Variants in DHX37 observed in about 807,000 individuals in gnomAD.
The protein encoded by DHX37 is probable ATP-dependent RNA helicase DHX37.
In DHX37, 52 loss-of-function variants were observed where a neutral mutation model predicts 134.3. The ratio of observed to expected loss-of-function variants is 0.39; its 90% CI spans 0.31 to 0.49. The LOEUF (loss-of-function observed/expected upper bound fraction) is 0.49, where lower values mean the gene tolerates loss of function less well. Ranked by LOEUF, DHX37 falls within the 20% of genes least tolerant of loss-of-function variation. The probability of loss-of-function intolerance (pLI) is 0.93; values close to 1 mark genes in which losing one functional copy is unlikely to be tolerated. For missense variants in DHX37, 1,344 were observed against 1,580.8 expected (o/e 0.85, Z 2.54); for synonymous variants, 634 against 670.7 (o/e 0.95, Z 0.85).
chr12:124,963,878 CAAAAAAAAAAAAA>C (rs71092251), intron 15 of DHX37, among the ~76,000 whole-genome samples: 20 of 91,666 alleles, frequency 2.2e-4, no homozygotes, highest in Admixed American at 3.4e-4. Context: ...AGACTCGTCT[CAAAAAAAAAAAAA>C]AAAAAAAAAA....
chr12:124,974,532 C>T (rs144120227), intron 6 of DHX37, among the ~76,000 whole-genome samples: 4 of 150,144 alleles, frequency 2.7e-5, no homozygotes, highest in South Asian at 2.1e-4. Context: ...TCCACCACCA[C>T]GTCCTGAGAG....
intron 1 of DHX37, among the ~76,000 whole-genome samples, chr12:124,986,556 C>T (rs1277922184): frequency 2.0e-5 from 3 of 151,788 alleles, no homozygotes; most frequent in South Asian, 4.2e-4. Flanking sequence ...ACTAAAAATA[C>T]AAAAATTAGC....
At chr12:124,954,456 T>C (rs1954049604) in intron 18 of DHX37, among the ~76,000 whole-genome samples, 1 of 151,644 alleles carries the variant, frequency 6.6e-6, no homozygotes, top group African/African-American at 2.4e-5. Flanking sequence ...TGGTGTGGTG[T>C]GATCTCGGTT....
Position 124,964,518 on chromosome 12 carries a change from C to A in DHX37, c.1921G>T (p.Val641Phe), listed in dbSNP as rs1954338257. Residue 641 changes from valine to phenylalanine, a missense_variant, in exon 15 of 27, where the codon GTC becomes TTC. Around this residue, in one of 7 missense-constraint regions of DHX37, gnomAD observed 39 missense variants for 87.9 expected, o/e 0.44. Coordinates refer to ENST00000308736, the MANE Select transcript of DHX37 (RefSeq NM_032656.4). ...ACGCGGTCGTAGTAGCGTTTCTTGA[C>A]CTTCCCACAGTCCACCACGTACTTG... ...GIKYVVDCGK[V>F]KKRYYDRVTG... 6.2e-7 allele frequency: 1 copy of A among 1,614,058 alleles called. No individual in the cohort carries two copies. The highest frequency in any genetic ancestry group is 1.7e-5 in the Admixed American group (1 of 60,002).
In DHX37 at chr12:124,966,803, G is replaced by A. The variant is rs765933453; in HGVS notation, c.1580C>T (p.Ala527Val). ...FKKSRARAKK[A>V]RAEVLPQINL... ...CAGCCCCCCACGTACCTCAGCCCGC[G>A]CCTTCTTGGCCCTGGCCCTTGACTT... The change falls in exon 12 of 27, where the codon GCG (alanine) becomes GTG (valine). Residue 527 changes from alanine (A) to valine (V), a missense_variant. By Grantham distance (64) the Ala-to-Val change is moderately conservative (BLOSUM62 0). Coordinates refer to ENST00000308736, the MANE Select transcript of DHX37 (RefSeq NM_032656.4). The A allele has an allele frequency of 2.0e-5, 33 of 1,614,078 alleles. No individual in the cohort carries two copies. The highest frequency in any genetic ancestry group is 2.2e-5 in the East Asian group (1 of 44,884).
At chr12:124,988,675 T>TG (rs1448667167) in intron 1 of DHX37, among the ~76,000 whole-genome samples, 1 of 152,092 alleles carries the variant, frequency 6.6e-6, no homozygotes, top group East Asian at 1.9e-4. Flanking sequence ...CTGTTTTTTT[T>TG]GCCAAATTCT....
chr12:124,964,885 C>T (rs200760411), intron 14 of DHX37, 45 bp downstream of exon 14: 2 of 1,556,536 alleles, frequency 1.3e-6, no homozygotes, highest in African/African-American at 2.7e-5. Context: ...ACTGTAATGC[C>T]CTTAAAAGTG....
rs1325823964 is a variant in DHX37, at chr12:124,963,873, C to A, written c.2045+521G>T. 4.0e-5 allele frequency among the ~76,000 whole-genome samples: 4 copies of A among 99,784 alleles called. No homozygotes were observed. In the South Asian group the frequency reaches 1.3e-3, roughly 33 times the overall value. The allele number at this position is 99,784 out of a possible 152,430, so 65.5% of individuals were successfully genotyped here. ...CCAGCCTGGGCGACAGAGTGAGACTCGTCTCAAAAAAAAAAAAAAAAAAAA... is the reference window on the plus strand; with the variant it reads ...CCAGCCTGGGCGACAGAGTGAGACTAGTCTCAAAAAAAAAAAAAAAAAAAA... On this transcript the variant is annotated intron_variant, in intron 15 of 26. Coordinates refer to ENST00000308736, the MANE Select transcript of DHX37 (RefSeq NM_032656.4).
intron 6 of DHX37, among the ~76,000 whole-genome samples, chr12:124,973,326 C>G (rs547868913): frequency 6.6e-6 from 1 of 152,064 alleles, no homozygotes; most frequent in African/African-American, 2.4e-5. Flanking sequence ...ATCGTTTGAA[C>G]CCAGGAGGCA....
chr12:124,963,232 C>T (rs1594486401), intron 15 of DHX37, among the ~76,000 whole-genome samples: 3 of 152,328 alleles, frequency 2.0e-5, no homozygotes, highest in African/African-American at 4.8e-5. Context: ...CCGTGCTGAG[C>T]GGCAGAGGCC....
intron 7 of DHX37, 63 bp from the exon 8 acceptor site, chr12:124,971,478 C>T: frequency 6.4e-7 from 1 of 1,572,172 alleles, no homozygotes; most frequent in Non-Finnish European, 8.6e-7. Context: ...CGCTTCACGT[C>T]CCAGAACTCC....
At chr12:124,971,486 TC>T (rs1954522623) in intron 7 of DHX37, 71 bp from the exon 8 acceptor site, 4 of 1,565,628 alleles carry the variant, frequency 2.6e-6, no homozygotes, top group African/African-American at 2.7e-5. Context: ...GTCCCAGAAC[TC>T]CCACTTGAGG....
intron 18 of DHX37, 107 bp downstream of exon 18, chr12:124,956,584 G>T: frequency 7.3e-7 from 1 of 1,373,888 alleles, no homozygotes; most frequent in Non-Finnish European, 9.6e-7. Flanking sequence ...TACCTCCTGG[G>T]TTCAAATGAT....
rs1954457178 is a variant in DHX37, at chr12:124,968,901, G to A, written c.1259C>T (p.Pro420Leu). The A allele has an allele frequency of 6.2e-7, 1 of 1,613,982 alleles. No individual in the cohort carries two copies. The highest frequency in any genetic ancestry group is 1.3e-5 in the African/African-American group (1 of 74,920). Residue 420 changes from proline to leucine, a missense_variant, in exon 9 of 27, where the codon CCA becomes CTA. Physicochemically the swap from Pro to Leu is moderately conservative, Grantham distance 98. Around this residue, in one of 7 missense-constraint regions of DHX37, gnomAD observed 289 missense variants for 323.8 expected, o/e 0.89. Transcript: ENST00000308736. ...CGGCGGCGGCTTGGCGAAGAGCCGT[G>A]GGTTCTGGGTGAAGTCCTCCACCCG... is the stretch of plus-strand genomic sequence containing the variant. ...TLRVEDFTQN[P>L]RLFAKPPPVI...
intron 12 of DHX37, 121 bp downstream of exon 12, chr12:124,966,672 G>A: frequency 1.8e-6 from 2 of 1,097,046 alleles, no homozygotes; most frequent in Non-Finnish European, 2.7e-6. Context: ...CCAGGAACTG[G>A]ATTTTTAACT....
At position 124,968,936 on chromosome 12, in the gene DHX37, C is replaced by T. The variant is rs200005740; in HGVS notation, c.1224G>A (p.Ser408=). 6.8e-6 allele frequency: 11 copies of T among 1,614,062 alleles called. No homozygotes were observed. Among genetic ancestry groups the T allele is most frequent in the East Asian group, 2.2e-5 (1 of 44,868 alleles). ...TGAAGTCCTCCACCCGCAGCGTGGC[C>T]GACATGATGAGCAGCTTGAGTGGCA... ...RNLPLKLLIM[S]ATLRVEDFTQ... Residue 408 remains serine, a synonymous_variant, in exon 9 of 27, where the codon TCG becomes TCA. Transcript: ENST00000308736.
Position 124,947,034 on chromosome 12 carries a change from C to G in DHX37, c.*768G>C, listed in dbSNP as rs1953890598. On this transcript the variant is annotated 3_prime_UTR_variant, in exon 27 of 27. Transcript: ENST00000308736. ...TTGCTGGGGGACCTACCCCACCCTC[C>G]CCCTCCCACCTCAGCCACAGAGGAA... The G allele has an allele frequency of 6.6e-6, 1 of 152,288 alleles. No individual in the cohort carries two copies. Among genetic ancestry groups the G allele is most frequent in the Non-Finnish European group, 1.5e-5 (1 of 68,102 alleles). The allele number at this position is 152,288 out of a possible 1,614,324, so 9.4% of individuals were successfully genotyped here. A position where few individuals can be genotyped will look rare whatever the true frequency, so the allele number is the denominator to read the frequency against.
At position 124,954,347 on chromosome 12, in the gene DHX37, GGTCCAGCTCAA is replaced by G; in HGVS notation, c.2454-147_2454-137del. The G allele has an allele frequency of 3.7e-6, 5 of 1,338,136 alleles. No individual in the cohort carries two copies. In the South Asian group the frequency reaches 7.3e-5, roughly 19 times the overall value. The allele number at this position is 1,338,136 out of a possible 1,614,324, so 82.9% of individuals were successfully genotyped here. ...CTGATGAATGTAATTAAGGTATTAAGGTCCAGCTCAAAATTCACCATTGGCAGCCACCGCTG... is the reference window on the plus strand; with the variant it reads ...CTGATGAATGTAATTAAGGTATTAAGAATTCACCATTGGCAGCCACCGCTG... On this transcript the variant is annotated intron_variant, in intron 18 of 26. Coordinates refer to ENST00000308736, the MANE Select transcript of DHX37 (RefSeq NM_032656.4).
intron 2 of DHX37, among the ~76,000 whole-genome samples, chr12:124,984,380 A>C (rs1454921435): frequency 6.6e-6 from 1 of 152,148 alleles, no homozygotes; most frequent in East Asian, 1.9e-4. Context: ...TAAAAATAAC[A>C]AAGTTAGCCG....
Sources: gnomAD v4.1 joint callset for allele counts (sites outside exome capture counted in the v4.1 genomes callset) on GRCh38, gnomAD v4.1.1 for gene constraint, gnomAD v4.1.1 regional missense constraint, MANE v1.5 for transcripts, NCBI Gene and HGNC (gene_info 2026-07-23, HGNC 2026-07-21) for gene names.